The following GRIN3A variants were observed in gnomAD, a reference collection of about 807,000 sequenced individuals.
GRIN3A encodes glutamate ionotropic receptor NMDA type subunit 3A.
In GRIN3A, 47 loss-of-function variants were observed where a neutral mutation model predicts 92.4. The observed-to-expected ratio is 0.51, with a 90% CI of 0.40 to 0.65. The LOEUF (loss-of-function observed/expected upper bound fraction) is 0.65. GRIN3A is among the 30% of genes least tolerant of loss of function. GRIN3A has a pLI of 0.00. For missense variants in GRIN3A, 1,324 were observed against 1,393.1 expected (o/e 0.95, Z 0.79); for synonymous variants, 527 against 540.6 (o/e 0.97, Z 0.35).
Position 101,671,059 on chromosome 9 carries a change from T to A in GRIN3A, c.1353A>T (p.Val451=). The A allele has an allele frequency of 6.2e-7, 1 of 1,613,986 alleles. No individual in the cohort carries two copies. Among genetic ancestry groups the A allele is most frequent in the Non-Finnish European group, 8.5e-7 (1 of 1,179,894 alleles). ...CTGAGCTGACGATGGTGGAACCTTTTACTCTGATGGAACCACTGAGGCCTC... is the reference window on the plus strand; with the variant it reads ...CTGAGCTGACGATGGTGGAACCTTTAACTCTGATGGAACCACTGAGGCCTC... ...TFRGLSGSIR[V]KGSTIVSSEN... The change falls in exon 3 of 9, where the codon GTA becomes GTT. Residue 451 remains valine (V), a synonymous_variant. Transcript: ENST00000361820.
chr9:101,703,329 A>G (rs539285862), intron 1 of GRIN3A, among the ~76,000 whole-genome samples: 7 of 152,250 alleles, frequency 4.6e-5, no homozygotes, highest in Admixed American at 2.6e-4. Context: ...TTGCTGCTCC[A>G]TCTGAGTGGA....
chr9:101,635,899 A>G (rs1303604069), intron 3 of GRIN3A, among the ~76,000 whole-genome samples: 2 of 152,046 alleles, frequency 1.3e-5, no homozygotes, highest in Middle Eastern at 3.2e-3. Context: ...TTGTTTGTTT[A>G]TTTATTTTTG....
chr9:101,737,688 A>T lies in GRIN3A; in HGVS notation c.292T>A (p.Leu98Met). Residue 98 changes from leucine (L) to methionine (M), a missense_variant, in exon 1 of 9, where the codon TTG (leucine) becomes ATG (methionine). Coordinates refer to ENST00000361820, the MANE Select transcript of GRIN3A (RefSeq NM_133445.3). ...SPAPSPGARW[L>M]GSTLHGRGPP... ...CCCCGGCCATGCAGGGTGCTCCCCA[A>T]CCAGCGTGCGCCCGGCGAGGGCGCC... The T allele has an allele frequency of 2.6e-6, 4 of 1,565,190 alleles. No homozygotes were observed. Among genetic ancestry groups the T allele is most frequent in the Non-Finnish European group, 3.4e-6 (4 of 1,159,606 alleles).
intron 3 of GRIN3A, among the ~76,000 whole-genome samples, chr9:101,656,638 A>G (rs1240288978): frequency 6.6e-6 from 1 of 151,866 alleles, no homozygotes. Context: ...AGAGCCTGAG[A>G]TTGGGTCTGA....
intron 3 of GRIN3A, among the ~76,000 whole-genome samples, chr9:101,651,918 A>G (rs1829019976): frequency 6.6e-6 from 1 of 151,958 alleles, no homozygotes; most frequent in African/African-American, 2.4e-5. Context: ...TATTATAAGA[A>G]GTATCAGAAA....
At chr9:101,579,618 A>T (rs143193849) in intron 6 of GRIN3A, among the ~76,000 whole-genome samples, 1 of 152,264 alleles carries the variant, frequency 6.6e-6, no homozygotes, top group African/African-American at 2.4e-5. Context: ...TCTCCAACCG[A>T]CTGAACGAAC....
intron 6 of GRIN3A, among the ~76,000 whole-genome samples, chr9:101,602,065 C>A (rs533476174): frequency 6.6e-6 from 1 of 152,028 alleles, no homozygotes; most frequent in East Asian, 1.9e-4. Flanking sequence ...GGCCAGCTAG[C>A]CCTAAGCTTT....
chr9:101,613,372 A>C lies in GRIN3A; in HGVS notation c.2766+4T>G. 1 of 1,614,118 alleles carries C rather than the reference A, an allele frequency of 6.2e-7. No individual in the cohort carries two copies. ...TGTCACCATTTTCAACAGTCTTTCC[A>C]TACCTCCGTGACAGCAAAACTTCTC... On this transcript the variant is annotated splice_donor_region_variant and intron_variant, in intron 6 of 8. Coordinates refer to ENST00000361820, the MANE Select transcript of GRIN3A (RefSeq NM_133445.3).
intron 3 of GRIN3A, among the ~76,000 whole-genome samples, chr9:101,633,132 A>G (rs1430516098): frequency 6.6e-6 from 1 of 152,210 alleles, no homozygotes; most frequent in East Asian, 1.9e-4. Flanking sequence ...AACTCGGGAA[A>G]TAATCAAGTT....
At chr9:101,635,972 T>A (rs1211973404) in intron 3 of GRIN3A, among the ~76,000 whole-genome samples, 1 of 152,200 alleles carries the variant, frequency 6.6e-6, no homozygotes, top group Non-Finnish European at 1.5e-5. Context: ...GCAACCTCCG[T>A]CTCCTGGATT....
intron 1 of GRIN3A, among the ~76,000 whole-genome samples, chr9:101,721,059 A>G (rs556075846): frequency 6.6e-6 from 1 of 152,332 alleles, no homozygotes; most frequent in East Asian, 1.9e-4. Context: ...GAATGCCATG[A>G]ATTGGAAAGA....
chr9:101,636,409 C>A (rs368961687), intron 3 of GRIN3A, among the ~76,000 whole-genome samples: 1 of 152,244 alleles, frequency 6.6e-6, no homozygotes, highest in Non-Finnish European at 1.5e-5. Flanking sequence ...GTTGAATGCT[C>A]ACGGCATCCT....
chr9:101,687,140 C>T lies in GRIN3A; in HGVS notation c.760G>A (p.Val254Ile). The part of the protein sequence containing the change: ...NSLSSDADVT[V>I]SILTMNNWYN... The stretch of plus-strand genomic sequence containing the variant: ...CAGTTGTTCATGGTCAGGATTGAGA[C>T]AGTGACATCAGCATCAGAACTTAAT... The change falls in exon 2 of 9, where the codon GTC (valine) becomes ATC (isoleucine). Residue 254 changes from valine to isoleucine, a missense_variant. Coordinates refer to ENST00000361820, the MANE Select transcript of GRIN3A (RefSeq NM_133445.3). 1.9e-6 allele frequency: 3 copies of T among 1,613,912 alleles called. No individual in the cohort carries two copies. The highest frequency in any genetic ancestry group is 2.5e-6 in the Non-Finnish European group (3 of 1,179,792).
At chr9:101,597,929 C>T (rs1191707482) in intron 6 of GRIN3A, among the ~76,000 whole-genome samples, 1 of 151,952 alleles carries the variant, frequency 6.6e-6, no homozygotes, top group Non-Finnish European at 1.5e-5. Context: ...TACTATAGAA[C>T]ATAGTGTTTT....
intron 3 of GRIN3A, among the ~76,000 whole-genome samples, chr9:101,639,659 A>G (rs1323431208): frequency 2.0e-5 from 3 of 152,230 alleles, no homozygotes; most frequent in African/African-American, 4.8e-5. Flanking sequence ...TCAAATCCTC[A>G]TGGCATAGGA....
chr9:101,620,033 T>C (rs1392660725), intron 5 of GRIN3A, among the ~76,000 whole-genome samples: 1 of 152,264 alleles, frequency 6.6e-6, no homozygotes, highest in Non-Finnish European at 1.5e-5. Context: ...CACTGTCCCT[T>C]ATTTGCCTTA....
chr9:101,608,983 G>T (rs1828321622), intron 6 of GRIN3A, among the ~76,000 whole-genome samples: 1 of 152,198 alleles, frequency 6.6e-6, no homozygotes. Context: ...AGCTTTCAAA[G>T]TCTGCAGAGT....
intron 6 of GRIN3A, among the ~76,000 whole-genome samples, chr9:101,595,796 A>G (rs552423309): frequency 3.2e-3 from 480 of 152,276 alleles, no homozygotes; most frequent in Non-Finnish European, 4.5e-3. Flanking sequence ...TGCCCGAGTC[A>G]CATCTTTGTT....
rs185301087 is a variant in GRIN3A, at chr9:101,637,560, T to G, written c.2353-9159A>C. Reference sequence around the variant, plus strand: ...GATAACAATACAGGTAGTTTCCATCTATTAAATATTTCCCATTTATTAAGT... The same window carrying G: ...GATAACAATACAGGTAGTTTCCATCGATTAAATATTTCCCATTTATTAAGT... On this transcript the variant is annotated intron_variant, in intron 3 of 8. Coordinates refer to ENST00000361820, the MANE Select transcript of GRIN3A (RefSeq NM_133445.3). Among the ~76,000 whole-genome samples the G allele has an allele frequency of 2.2e-3, 335 of 152,324 alleles. 2 individuals are homozygous for G. Among genetic ancestry groups the G allele is most frequent in the African/African-American group, 7.7e-3 (319 of 41,572 alleles).
Sources: gnomAD v4.1 joint callset for allele counts (sites outside exome capture counted in the v4.1 genomes callset) on GRCh38, gnomAD v4.1.1 for gene constraint, MANE v1.5 for transcripts, NCBI Gene and HGNC (gene_info 2026-07-23, HGNC 2026-07-21) for gene names.